TACR3: variants seen among roughly 807,000 people sequenced by gnomAD.
TACR3 encodes the protein neuromedin-K receptor.
TACR3 carries 34 observed loss-of-function variants against 35.0 expected under a neutral mutation model. That is an observed-to-expected ratio of 0.97 (90% confidence interval 0.74 to 1.30). The LOEUF (loss-of-function observed/expected upper bound fraction) is 1.30, where lower values mean the gene tolerates loss of function less well. TACR3 is among the 50% of genes most tolerant of loss of function. The pLI is 0.00. For synonymous variants in TACR3, 233 were observed against 221.1 expected, an observed-to-expected ratio of 1.05 and a Z score of -0.48; for missense variants, 558 against 591.7, an observed-to-expected ratio of 0.94 and a Z score of 0.59.
At chr4:103,608,530 AC>A (rs1724436538) in intron 3 of TACR3, among the ~76,000 whole-genome samples, 1 of 152,084 alleles carries the variant, frequency 6.6e-6, no homozygotes, top group Non-Finnish European at 1.5e-5. Flanking sequence ...ACAAATTTGC[AC>A]ATGTACCCCG....
rs1723175826 is a variant in TACR3 at position 103,719,823 on chromosome 4, TGGTTAG to T, written c.-154_-149del. Reference sequence around the variant, plus strand: ...AGCTGAAAGATACTGCAATCCCTGCTGGTTAGGGGATGCAGCTGGGGCTAAGGGGCA... The same window carrying T: ...AGCTGAAAGATACTGCAATCCCTGCTGGGATGCAGCTGGGGCTAAGGGGCA... On this transcript the variant is annotated 5_prime_UTR_variant, in exon 1 of 5. Coordinates refer to ENST00000304883, the MANE Select transcript of TACR3 (RefSeq NM_001059.3). The T allele has an allele frequency of 8.6e-6, 9 of 1,051,220 alleles. No individual in the cohort carries two copies. In the Admixed American group the frequency reaches 1.8e-4, roughly 21 times the overall value. The allele number at this position is 1,051,220 out of a possible 1,614,324, so 65.1% of individuals were successfully genotyped here. A position where few individuals can be genotyped will look rare whatever the true frequency, so the allele number is the denominator to read the frequency against.
rs545923870 is a variant in TACR3, at chr4:103,605,404, C to G, written c.889-13721G>C. Among the ~76,000 whole-genome samples the G allele has an allele frequency of 5.4e-4, 52 of 96,246 alleles. 9 individuals are homozygous for G. Among genetic ancestry groups the G allele is most frequent in the Middle Eastern group, 8.9e-3 (2 of 224 alleles). 63.1% of individuals were successfully genotyped at this position (96,246 alleles called of 152,430 possible). A position where few individuals can be genotyped will look rare whatever the true frequency, so the allele number is the denominator to read the frequency against. On this transcript the variant is annotated intron_variant, in intron 3 of 4. Coordinates refer to ENST00000304883, the MANE Select transcript of TACR3 (RefSeq NM_001059.3). ...TCTAGATCCCTGAGGAATTGCCACA[C>G]TGACTTCCACAATGGTTGAACTAGT... is the stretch of plus-strand genomic sequence containing the variant.
intron 3 of TACR3, among the ~76,000 whole-genome samples, chr4:103,618,747 T>C (rs1724714434): frequency 6.6e-6 from 1 of 152,050 alleles, no homozygotes; most frequent in Admixed American, 6.6e-5. Context: ...GCTTTTTATT[T>C]ATTTGTGTCC....
At chr4:103,665,146 A>T (rs1438946084) in intron 1 of TACR3, among the ~76,000 whole-genome samples, 1 of 151,960 alleles carries the variant, frequency 6.6e-6, no homozygotes, top group Non-Finnish European at 1.5e-5. Flanking sequence ...AGAATAAATG[A>T]ATCATTTAGA....
intron 1 of TACR3, among the ~76,000 whole-genome samples, chr4:103,671,976 A>T (rs1174474958): frequency 6.6e-6 from 1 of 152,146 alleles, no homozygotes; most frequent in East Asian, 1.9e-4. Flanking sequence ...CTGCTGCTTT[A>T]TCAGCTAAGT....
intron 3 of TACR3, among the ~76,000 whole-genome samples, chr4:103,606,822 C>T (rs547689223): frequency 1.3e-3 from 197 of 152,226 alleles, no homozygotes; most frequent in East Asian, 3.5e-3. Context: ...TTTCCTTCTC[C>T]GGCCTAATTG....
chr4:103,698,308 G>T (rs892463771), intron 1 of TACR3, among the ~76,000 whole-genome samples: 5 of 152,058 alleles, frequency 3.3e-5, no homozygotes, highest in African/African-American at 1.2e-4. Flanking sequence ...CTGGGATTTG[G>T]ATTAATAGTA....
intron 1 of TACR3, among the ~76,000 whole-genome samples, chr4:103,689,359 C>T (rs935968877): frequency 2.6e-5 from 4 of 151,724 alleles, no homozygotes; most frequent in Admixed American, 2.6e-4. Flanking sequence ...ATGTAACTAA[C>T]CTGCACATTG....
Position 103,719,625 on chromosome 4 carries a change from C to T in TACR3, c.51G>A (p.Val17=), listed in dbSNP as rs1293984628. Residue 17 remains valine (V), a synonymous_variant, in exon 1 of 5, where the codon GTG becomes GTA. Transcript: ENST00000304883. ...CGGTCAGGTTCACGGCGTCTGCACC[C>T]ACGCCTCCACCCCCGTCTATCCAGG... ...AETWIDGGGG[V]GADAVNLTAS... 1 of 1,613,718 alleles carries T rather than the reference C, an allele frequency of 6.2e-7. No individual in the cohort carries two copies. Among genetic ancestry groups the T allele is most frequent in the Non-Finnish European group, 8.5e-7 (1 of 1,179,954 alleles).
intron 3 of TACR3, among the ~76,000 whole-genome samples, chr4:103,642,373 CT>C (rs55901913): frequency 0.43 from 65,795 of 151,286 alleles, 17,219 homozygotes; most frequent in African/African-American, 0.75. Flanking sequence ...AAAAATGTTG[CT>C]TTTTTAAATT....
rs145839786 is a variant in TACR3, at chr4:103,589,539, C to T, written c.*143G>A. The T allele has an allele frequency of 1.7e-4, 139 of 829,260 alleles. 2 individuals carry two copies. In the East Asian group the frequency reaches 3.6e-3, roughly 22 times the overall value. The allele number at this position is 829,260 out of a possible 1,614,324, so 51.4% of individuals were successfully genotyped here. A position where few individuals can be genotyped will look rare whatever the true frequency, so the allele number is the denominator to read the frequency against. ...GTGTCTTTGTCACATTTATACACTA[C>T]CTTTCTCAATTTGACCATAGCTGCC... On this transcript the variant is annotated 3_prime_UTR_variant, in exon 5 of 5. Coordinates refer to ENST00000304883, the MANE Select transcript of TACR3 (RefSeq NM_001059.3).
chr4:103,595,671 A>G (rs1032536516), intron 3 of TACR3, among the ~76,000 whole-genome samples: 10 of 152,166 alleles, frequency 6.6e-5, no homozygotes, highest in Admixed American at 1.3e-4. Flanking sequence ...GAAATTAACT[A>G]AAATGCTGAC....
At chr4:103,628,757 C>T (rs1724973621) in intron 3 of TACR3, among the ~76,000 whole-genome samples, 1 of 152,098 alleles carries the variant, frequency 6.6e-6, no homozygotes, top group Admixed American at 6.5e-5. Context: ...GAAACTATTC[C>T]AATCAATAGA....
intron 1 of TACR3, among the ~76,000 whole-genome samples, chr4:103,699,022 G>T (rs1265304054): frequency 6.6e-6 from 1 of 152,080 alleles, no homozygotes; most frequent in Non-Finnish European, 1.5e-5. Flanking sequence ...ACTCTCACTT[G>T]TTATGTGTTC....
At position 103,589,858 on chromosome 4, in the gene TACR3, A is replaced by T. The variant is rs770192343; in HGVS notation, c.1222T>A (p.Ser408Thr). ...TTGGGGTCAAACACGACTGTCATGG[A>T]CTCCATTCTGGTCACGGTGTACATA... is the stretch of plus-strand genomic sequence containing the variant. ...SSMYTVTRME[S>T]MTVVFDPNDA... Residue 408 changes from serine (S) to threonine (T), a missense_variant, in exon 5 of 5, where the codon TCC becomes ACC. Coordinates refer to ENST00000304883, the MANE Select transcript of TACR3 (RefSeq NM_001059.3). 2 of 1,613,180 alleles carry T rather than the reference A, an allele frequency of 1.2e-6. No individual in the cohort carries two copies. Among genetic ancestry groups the T allele is most frequent in the Non-Finnish European group, 1.7e-6 (2 of 1,179,672 alleles).
chr4:103,647,222 T>C (rs1425638757), intron 3 of TACR3, among the ~76,000 whole-genome samples: 4 of 151,940 alleles, frequency 2.6e-5, no homozygotes. Flanking sequence ...GTTTCAAATT[T>C]TGTTGTATAA....
intron 1 of TACR3, among the ~76,000 whole-genome samples, chr4:103,669,959 A>G (rs1453247727): frequency 4.6e-5 from 7 of 151,946 alleles, no homozygotes; most frequent in Admixed American, 4.6e-4. Flanking sequence ...GGTCTTACAT[A>G]TAAGTCTTTA....
At chr4:103,628,135 C>T (rs1243647980) in intron 3 of TACR3, among the ~76,000 whole-genome samples, 1 of 152,156 alleles carries the variant, frequency 6.6e-6, no homozygotes, top group Non-Finnish European at 1.5e-5. Flanking sequence ...CTCTGGGACA[C>T]ATTTGAAGCA....
At chr4:103,675,203 G>C (rs982763110) in intron 1 of TACR3, among the ~76,000 whole-genome samples, 1 of 151,988 alleles carries the variant, frequency 6.6e-6, no homozygotes, top group African/African-American at 2.4e-5. Context: ...TCAATGCTTG[G>C]ATCTTGAAAT....
Sources: gnomAD v4.1 joint callset for allele counts (sites outside exome capture counted in the v4.1 genomes callset) on GRCh38, gnomAD v4.1.1 for gene constraint, MANE v1.5 for transcripts, NCBI Gene and HGNC (gene_info 2026-07-23, HGNC 2026-07-21) for gene names.